The following ROR1 variants were observed in gnomAD, a reference collection of about 807,000 sequenced individuals.
ROR1 encodes inactive tyrosine-protein kinase transmembrane receptor ROR1.
Under a neutral mutation model 78.8 loss-of-function variants are expected in ROR1, and 19 were observed. The ratio of observed to expected loss-of-function variants is 0.24; its 90% CI spans 0.17 to 0.35. The LOEUF is 0.35. ROR1 is among the 10% of genes least tolerant of loss of function. The pLI, the probability that ROR1 is intolerant of heterozygous loss-of-function variation, is 1.00. For missense variants in ROR1, 917 were observed against 1,177.8 expected, an observed-to-expected ratio of 0.78 and a Z score of 3.24; for synonymous variants, 386 against 433.6, an observed-to-expected ratio of 0.89 and a Z score of 1.36.
intron 1 of ROR1, among the ~76,000 whole-genome samples, chr1:63,854,155 C>A (rs757215065): frequency 1.3e-5 from 2 of 152,174 alleles, no homozygotes; most frequent in African/African-American, 2.4e-5. Context: ...AGATCACCAA[C>A]CTGATTCCAA....
chr1:64,138,306 T>G (rs1018007278), intron 5 of ROR1, among the ~76,000 whole-genome samples: 1 of 152,208 alleles, frequency 6.6e-6, no homozygotes, highest in South Asian at 2.1e-4. Context: ...CCCAGTAACA[T>G]TTGAATTTCA....
chr1:64,069,258 T>C (rs930745967), intron 4 of ROR1, among the ~76,000 whole-genome samples: 1 of 152,238 alleles, frequency 6.6e-6, no homozygotes, highest in African/African-American at 2.4e-5. Flanking sequence ...AAATTCTTTT[T>C]GCACAACAAA....
At chr1:64,164,277 A>G (rs1219900438) in intron 8 of ROR1, among the ~76,000 whole-genome samples, 1 of 152,128 alleles carries the variant, frequency 6.6e-6, no homozygotes, top group Non-Finnish European at 1.5e-5. Flanking sequence ...AAAAGTCCAT[A>G]CTATCGGGGC....
chr1:64,021,052 C>A (rs1404354195), intron 2 of ROR1, among the ~76,000 whole-genome samples: 2 of 151,410 alleles, frequency 1.3e-5, no homozygotes, highest in African/African-American at 4.8e-5. Flanking sequence ...ATGCCCCAAG[C>A]CTTAGTTGAT....
chr1:63,945,210 T>TA (rs1645874698), intron 1 of ROR1, among the ~76,000 whole-genome samples: 1 of 152,176 alleles, frequency 6.6e-6, no homozygotes, highest in African/African-American at 2.4e-5. Context: ...TAAGGGTCTA[T>TA]AAGGCAGTGG....
chr1:64,141,873 G>A (rs1239636305), intron 6 of ROR1, among the ~76,000 whole-genome samples: 1 of 152,024 alleles, frequency 6.6e-6, no homozygotes, highest in East Asian at 1.9e-4. Context: ...CACGTGCGAG[G>A]TCTTCTTAAT....
intron 1 of ROR1, among the ~76,000 whole-genome samples, chr1:63,787,755 G>A (rs1557496451): frequency 6.6e-6 from 1 of 152,084 alleles, no homozygotes; most frequent in Non-Finnish European, 1.5e-5. Flanking sequence ...CAAAATCCTG[G>A]CCTCAAGTGA....
chr1:64,062,446 G>C (rs1330128669), intron 4 of ROR1, among the ~76,000 whole-genome samples: 2 of 152,084 alleles, frequency 1.3e-5, no homozygotes, highest in African/African-American at 4.8e-5. Flanking sequence ...CGGGTAGCTG[G>C]GACTACAGGC....
chr1:63,892,124 C>A (rs1172845406), intron 1 of ROR1, among the ~76,000 whole-genome samples: 1 of 152,090 alleles, frequency 6.6e-6, no homozygotes, highest in Admixed American at 6.6e-5. Context: ...TCTAATGGAC[C>A]ATGAATAGTG....
intron 4 of ROR1, among the ~76,000 whole-genome samples, chr1:64,061,624 G>A (rs185712628): frequency 2.2e-4 from 34 of 152,262 alleles, no homozygotes; most frequent in Admixed American, 1.6e-3. Flanking sequence ...TGGTGCTGCT[G>A]GTTCACACAC....
intron 1 of ROR1, among the ~76,000 whole-genome samples, chr1:63,876,270 A>G (rs571157258): frequency 6.6e-6 from 1 of 152,192 alleles, no homozygotes; most frequent in Non-Finnish European, 1.5e-5. Flanking sequence ...CATATAAAGA[A>G]AGCACTGGTC....
chr1:63,994,065 T>C (rs1646317347), intron 1 of ROR1, among the ~76,000 whole-genome samples: 1 of 152,164 alleles, frequency 6.6e-6, no homozygotes, highest in African/African-American at 2.4e-5. Flanking sequence ...AAATAACATC[T>C]CATTGAAGTT....
intron 4 of ROR1, among the ~76,000 whole-genome samples, chr1:64,121,475 C>A (rs1324499976): frequency 6.6e-6 from 1 of 152,152 alleles, no homozygotes; most frequent in Non-Finnish European, 1.5e-5. Flanking sequence ...TGTCCCTCCC[C>A]CGGAATGTAA....
chr1:63,876,123 T>G (rs1172764766), intron 1 of ROR1, among the ~76,000 whole-genome samples: 1 of 152,156 alleles, frequency 6.6e-6, no homozygotes, highest in Non-Finnish European at 1.5e-5. Flanking sequence ...CATTCTGTCT[T>G]TGGTATGCTT....
intron 1 of ROR1, among the ~76,000 whole-genome samples, chr1:63,826,413 G>C (rs1287453168): frequency 6.6e-6 from 1 of 152,146 alleles, no homozygotes; most frequent in Non-Finnish European, 1.5e-5. Flanking sequence ...TACTTGCAAA[G>C]GACATGATCT....
At chr1:64,127,666 T>A (rs912177559) in intron 4 of ROR1, among the ~76,000 whole-genome samples, 20 of 152,152 alleles carry the variant, frequency 1.3e-4, no homozygotes, top group Non-Finnish European at 2.6e-4. Context: ...CATGCTGAAA[T>A]TCAAAGGTAA....
chr1:64,002,280 T>C (rs887351821), intron 1 of ROR1, among the ~76,000 whole-genome samples: 1 of 151,846 alleles, frequency 6.6e-6, no homozygotes, highest in Non-Finnish European at 1.5e-5. Context: ...ATTACAGGCA[T>C]GCACCACCAC....
intron 8 of ROR1, among the ~76,000 whole-genome samples, chr1:64,172,584 C>T (rs750607540): frequency 6.6e-6 from 1 of 152,064 alleles, no homozygotes. Flanking sequence ...GATAGGAGCC[C>T]GGGACCCTAT....
chr1:64,064,962 T>TA (rs1486199713), intron 4 of ROR1, among the ~76,000 whole-genome samples: 1 of 152,128 alleles, frequency 6.6e-6, no homozygotes, highest in African/African-American at 2.4e-5. Flanking sequence ...TCTAGAAAAA[T>TA]AAAAAATTGA....
Sources: gnomAD v4.1 joint callset for allele counts (sites outside exome capture counted in the v4.1 genomes callset) on GRCh38, gnomAD v4.1.1 for gene constraint, MANE v1.5 for transcripts, NCBI Gene and HGNC (gene_info 2026-07-23, HGNC 2026-07-21) for gene names.